FTO: variants seen among roughly 807,000 people sequenced by gnomAD.
FTO encodes the protein FTO alpha-ketoglutarate dependent dioxygenase.
Under a neutral mutation model 63.9 loss-of-function variants are expected in FTO, and 47 were observed. The observed-to-expected ratio is 0.74, with a 90% CI of 0.58 to 0.94. FTO has a LOEUF of 0.94. FTO is among the 40% of genes least tolerant of loss of function. The probability of loss-of-function intolerance (pLI) is 0.00; values close to 1 mark genes in which losing one functional copy is unlikely to be tolerated. For synonymous variants in FTO, 207 were observed against 224.4 expected, an observed-to-expected ratio of 0.92 and a Z score of 0.69; for missense variants, 562 against 618.1, an observed-to-expected ratio of 0.91 and a Z score of 0.96.
intron 7 of FTO, among the ~76,000 whole-genome samples, chr16:53,924,791 G>A (rs915261998): frequency 6.6e-6 from 1 of 152,158 alleles, no homozygotes; most frequent in South Asian, 2.1e-4. Flanking sequence ...AACCTCCTCC[G>A]GGAGATAAGG....
chr16:54,088,075 CTT>C (rs1400668475), intron 8 of FTO, among the ~76,000 whole-genome samples: 1 of 152,174 alleles, frequency 6.6e-6, no homozygotes, highest in East Asian at 1.9e-4. Flanking sequence ...AAAATTAAAA[CTT>C]TATAGATAAG....
intron 8 of FTO, among the ~76,000 whole-genome samples, chr16:53,975,249 G>A (rs1269770920): frequency 4.0e-5 from 6 of 151,042 alleles, no homozygotes; most frequent in African/African-American, 1.5e-4. Flanking sequence ...GTGTCCTAAA[G>A]GTTGTAAGGT....
chr16:54,093,938 G>A (rs989886956), intron 8 of FTO, among the ~76,000 whole-genome samples: 2 of 152,090 alleles, frequency 1.3e-5, no homozygotes, highest in African/African-American at 4.8e-5. Context: ...TTTACCAGAC[G>A]TGACTTTGGG....
chr16:54,074,759 A>T (rs1229265913), intron 8 of FTO, among the ~76,000 whole-genome samples: 1 of 152,136 alleles, frequency 6.6e-6, no homozygotes, highest in Non-Finnish European at 1.5e-5. Flanking sequence ...TTACCGAGCC[A>T]AGGATTCACA....
At chr16:53,820,849 T>C (rs912895505) in intron 2 of FTO, among the ~76,000 whole-genome samples, 1 of 151,726 alleles carries the variant, frequency 6.6e-6, no homozygotes, top group African/African-American at 2.4e-5. Context: ...AGGTGTGGAG[T>C]TGGGGGAGGA....
At chr16:53,994,257 AT>A (rs1387486973) in intron 8 of FTO, 2 of 152,166 alleles carry the variant, frequency 1.3e-5, no homozygotes, top group African/African-American at 2.4e-5. Context: ...GCTGCAGAAC[AT>A]TCTGCATCTC....
intron 8 of FTO, chr16:53,981,535 G>A (rs1455387199): frequency 6.6e-6 from 1 of 152,440 alleles, no homozygotes. Context: ...CACTTTGGGA[G>A]GCCAAGACGG....
At chr16:53,728,764 C>CTTT (rs368270837) in intron 1 of FTO, among the ~76,000 whole-genome samples, 7 of 133,898 alleles carry the variant, frequency 5.2e-5, no homozygotes, top group Admixed American at 7.6e-5. Context: ...GACCATACTT[C>CTTT]TTTTTTTTTT....
chr16:53,758,468 G>A (rs573344227), intron 1 of FTO, among the ~76,000 whole-genome samples: 1 of 152,226 alleles, frequency 6.6e-6, no homozygotes, highest in Non-Finnish European at 1.5e-5. Flanking sequence ...TCCTCTTCAG[G>A]GAAGCTGACC....
At chr16:54,033,460 T>C (rs577597751) in intron 8 of FTO, among the ~76,000 whole-genome samples, 16 of 152,256 alleles carry the variant, frequency 1.1e-4, no homozygotes, top group African/African-American at 3.1e-4. Context: ...GATCAAGGAA[T>C]CTAGATTTGG....
chr16:53,889,490 G>A (rs2081094146), intron 7 of FTO, among the ~76,000 whole-genome samples: 4 of 152,160 alleles, frequency 2.6e-5, no homozygotes, highest in Admixed American at 2.0e-4. Flanking sequence ...AGAGGGGCAC[G>A]AATATCACCA....
At chr16:53,952,088 A>G (rs2066311410) in intron 8 of FTO, among the ~76,000 whole-genome samples, 1 of 152,190 alleles carries the variant, frequency 6.6e-6, no homozygotes, top group Non-Finnish European at 1.5e-5. Context: ...TGTTTTGCCC[A>G]TATTCCTTAC....
At chr16:54,090,611 T>C (rs1269578861) in intron 8 of FTO, among the ~76,000 whole-genome samples, 1 of 152,230 alleles carries the variant, frequency 6.6e-6, no homozygotes, top group African/African-American at 2.4e-5. Flanking sequence ...CATCGACAGT[T>C]ACAAAGGCAT....
chr16:53,849,348 A>T (rs2079720400), intron 4 of FTO, among the ~76,000 whole-genome samples: 1 of 152,250 alleles, frequency 6.6e-6, no homozygotes, highest in Non-Finnish European at 1.5e-5. Flanking sequence ...TGGGAACTGG[A>T]CCATGGCATA....
chr16:53,763,271 C>A (rs62048379), intron 1 of FTO, among the ~76,000 whole-genome samples: 12,538 of 152,030 alleles, frequency 0.082, 585 homozygotes, highest in Middle Eastern at 0.11. Flanking sequence ...TAAGGATGAA[C>A]CTTTTAAGAT....
At chr16:53,979,674 C>T (rs1402689266) in intron 8 of FTO, among the ~76,000 whole-genome samples, 1 of 152,036 alleles carries the variant, frequency 6.6e-6, no homozygotes, top group Non-Finnish European at 1.5e-5. Flanking sequence ...CAAAGTGTTG[C>T]TCCATAATTT....
chr16:53,998,449 T>C (rs1252136500), intron 8 of FTO: 1 of 152,248 alleles, frequency 6.6e-6, no homozygotes, highest in Non-Finnish European at 1.5e-5. Flanking sequence ...ACTTAGCCTA[T>C]AAACCAGCAT....
chr16:54,056,737 G>A (rs949333572), intron 8 of FTO, among the ~76,000 whole-genome samples: 1 of 152,178 alleles, frequency 6.6e-6, no homozygotes, highest in African/African-American at 2.4e-5. Context: ...TGCAGCCCCA[G>A]CTGAAACATT....
At chr16:53,879,691 T>TAAAAA (rs34252518) in intron 5 of FTO, among the ~76,000 whole-genome samples, 153 bp from the exon 6 acceptor site, 1 of 95,072 alleles carries the variant, frequency 1.1e-5, no homozygotes, top group African/African-American at 4.0e-5. Context: ...ATCTCAAAAT[T>TAAAAA]AAAAAAAAAA....
Sources: allele counts gnomAD v4.1 joint callset (sites outside exome capture counted in the v4.1 genomes callset), GRCh38; gene constraint gnomAD v4.1.1; transcripts MANE v1.5; gene names NCBI Gene and HGNC (gene_info 2026-07-23, HGNC 2026-07-21).